The following UST variants were observed in gnomAD, a reference collection of about 807,000 sequenced individuals.
The protein encoded by UST is uronyl 2-sulfotransferase, also known as chondroitin sulfate 2-O-sulfotransferase.
Under a neutral mutation model 45.6 loss-of-function variants are expected in UST, and 21 were observed. The ratio of observed to expected loss-of-function variants is 0.46; its 90% confidence interval spans 0.33 to 0.66. The LOEUF is 0.66. UST is among the 30% of genes least tolerant of loss of function. UST has a pLI of 0.02. For missense variants in UST, 463 were observed against 512.4 expected (o/e 0.90, Z 0.93); for synonymous variants, 215 against 200.6 (o/e 1.07, Z -0.61).
At position 148,766,351 on chromosome 6, in the gene UST, C is replaced by T. The variant is rs148800572; in HGVS notation, c.247+18674C>T. ...CTCCTATCACTCTCACCCACTCACCCACTTGCTCTCACCCACTCACCCACT... is the reference window on the plus strand; with the variant it reads ...CTCCTATCACTCTCACCCACTCACCTACTTGCTCTCACCCACTCACCCACT... On this transcript the variant is annotated intron_variant, in intron 1 of 7. Coordinates refer to ENST00000367463, the MANE Select transcript of UST (RefSeq NM_005715.3). 3.3e-5 allele frequency among the ~76,000 whole-genome samples: 5 copies of T among 149,644 alleles called. No individual in the cohort carries two copies. In the East Asian group the frequency reaches 9.7e-4, roughly 29 times the overall value.
At chr6:148,960,236 C>T (rs1004836178) in intron 4 of UST, among the ~76,000 whole-genome samples, 3 of 152,176 alleles carry the variant, frequency 2.0e-5, no homozygotes, top group African/African-American at 7.2e-5. Flanking sequence ...TTGCAGTAAG[C>T]CGAGATCACG....
At chr6:148,887,262 G>T (rs2114844200) in intron 2 of UST, among the ~76,000 whole-genome samples, 1 of 152,382 alleles carries the variant, frequency 6.6e-6, no homozygotes, top group East Asian at 1.9e-4. Flanking sequence ...CCCAGGCATT[G>T]GAGCCTGAGA....
intron 3 of UST, among the ~76,000 whole-genome samples, chr6:148,952,555 A>G (rs148878865): frequency 2.0e-4 from 30 of 152,326 alleles, no homozygotes; most frequent in African/African-American, 7.0e-4. Flanking sequence ...GTTGGAGTTA[A>G]TTCATTGAAC....
chr6:148,873,034 G>A (rs556365855), intron 1 of UST, among the ~76,000 whole-genome samples: 3 of 152,172 alleles, frequency 2.0e-5, no homozygotes, highest in East Asian at 1.9e-4. Flanking sequence ...TCAGCTTATC[G>A]CAACCACCCT....
intron 1 of UST, among the ~76,000 whole-genome samples, chr6:148,865,664 TTGTGTGTGTGTGTGTG>T (rs56252604): frequency 1.3e-3 from 149 of 117,906 alleles, no homozygotes; most frequent in South Asian, 4.5e-3. Flanking sequence ...CTTGCTGAAA[TTGTGTGTGTGTGTGTG>T]TGTGTGTGTG....
At chr6:148,878,316 G>C (rs1423979813) in intron 1 of UST, among the ~76,000 whole-genome samples, 1 of 79,410 alleles carries the variant, frequency 1.3e-5, no homozygotes, top group Non-Finnish European at 2.5e-5. Flanking sequence ...TCATGTATGA[G>C]TGCGGGGATC....
At chr6:148,809,576 A>G (rs141407981) in intron 1 of UST, among the ~76,000 whole-genome samples, 154 of 152,328 alleles carry the variant, frequency 1.0e-3, no homozygotes, top group African/African-American at 3.5e-3. Context: ...CTTAGCAGAA[A>G]CAGAACTGGG....
At position 148,834,137 on chromosome 6, in the gene UST, A is replaced by C. The variant is rs577430197; in HGVS notation, c.248-52849A>C. On this transcript the variant is annotated intron_variant, in intron 1 of 7. Transcript: ENST00000367463. Reference sequence around the variant, plus strand: ...TTAAAGACTTCAAAAGAATAGCACTAATATACCCAGGAGAAAAAGTCACAT... The same window carrying C: ...TTAAAGACTTCAAAAGAATAGCACTCATATACCCAGGAGAAAAAGTCACAT... Among the ~76,000 whole-genome samples the C allele has an allele frequency of 2.6e-5, 4 of 152,336 alleles. No individual in the cohort carries two copies. In the South Asian group the frequency reaches 8.3e-4, roughly 32 times the overall value.
chr6:148,990,002 C>CA lies in UST; in HGVS notation c.681+25447dup, dbSNP rs1261740399. Among the ~76,000 whole-genome samples, 4 of 151,948 alleles carry CA rather than the reference C, an allele frequency of 2.6e-5. No individual in the cohort carries two copies. The South Asian group carries it at 8.3e-4, about 32-fold the overall frequency. The stretch of plus-strand genomic sequence containing the variant: ...TGTGGAGGAATCTCACATTTAAGTA[C>CA]AAAAAAAATTAAGCGTTTAGGGGAA... On this transcript the variant is annotated intron_variant, in intron 5 of 7. Transcript: ENST00000367463.
At chr6:148,893,146 A>G (rs1779051586) in intron 2 of UST, among the ~76,000 whole-genome samples, 1 of 152,212 alleles carries the variant, frequency 6.6e-6, no homozygotes, top group African/African-American at 2.4e-5. Context: ...ATCTACACTT[A>G]CATACAAAAG....
At chr6:148,944,796 C>A (rs1327618859) in intron 3 of UST, among the ~76,000 whole-genome samples, 1 of 152,180 alleles carries the variant, frequency 6.6e-6, no homozygotes, top group African/African-American at 2.4e-5. Flanking sequence ...GTGATGACAT[C>A]ATTGCATTTA....
At chr6:148,769,783 T>TGTGTGTGTGTG (rs1776387039) in intron 1 of UST, among the ~76,000 whole-genome samples, 1 of 149,156 alleles carries the variant, frequency 6.7e-6, no homozygotes. Context: ...TGTGTGTGTG[T>TGTGTGTGTGTG]TGTCTTCAAA....
intron 2 of UST, among the ~76,000 whole-genome samples, chr6:148,915,727 A>C (rs1779576543): frequency 1.3e-5 from 2 of 151,946 alleles, no homozygotes; most frequent in Admixed American, 1.3e-4. Context: ...TGGCTCAAAT[A>C]TGAAAAATAG....
intron 2 of UST, among the ~76,000 whole-genome samples, chr6:148,912,995 A>G (rs1180453141): frequency 6.6e-6 from 1 of 152,204 alleles, no homozygotes; most frequent in Non-Finnish European, 1.5e-5. Flanking sequence ...CATTTCTGAC[A>G]CGCTTCCAGG....
intron 7 of UST, 74 bp from the exon 8 acceptor site, chr6:149,073,759 A>C: frequency 6.5e-7 from 1 of 1,546,592 alleles, no homozygotes; most frequent in East Asian, 2.3e-5. Context: ...TGTACAGGTA[A>C]TGTGGGTCCT....
chr6:148,829,106 C>T (rs1012633046), intron 1 of UST, among the ~76,000 whole-genome samples: 8 of 151,754 alleles, frequency 5.3e-5, no homozygotes, highest in Admixed American at 1.3e-4. Context: ...CTGAGGGTAC[C>T]CAGGGACAAA....
In UST at chr6:148,756,335, C is replaced by A. The variant is rs1582790644; in HGVS notation, c.247+8658C>A. Among the ~76,000 whole-genome samples, 3 of 152,304 alleles carry A rather than the reference C, an allele frequency of 2.0e-5. No homozygotes were observed. In the South Asian group the frequency reaches 6.2e-4, roughly 32 times the overall value. ...GTAAGTTTCTTGAGGCATACCCAGCCATGTGGAACTGTGAGTCAATTAAAC... is the reference window on the plus strand; with the variant it reads ...GTAAGTTTCTTGAGGCATACCCAGCAATGTGGAACTGTGAGTCAATTAAAC... On this transcript the variant is annotated intron_variant, in intron 1 of 7. Transcript: ENST00000367463.
intron 1 of UST, among the ~76,000 whole-genome samples, chr6:148,825,353 C>T (rs1175716952): frequency 1.3e-5 from 2 of 152,180 alleles, no homozygotes; most frequent in Non-Finnish European, 2.9e-5. Context: ...GAACACAGGT[C>T]CTTTGTGCAT....
At chr6:148,829,484 C>T (rs924733753) in intron 1 of UST, among the ~76,000 whole-genome samples, 11 of 152,174 alleles carry the variant, frequency 7.2e-5, no homozygotes, top group African/African-American at 2.7e-4. Context: ...ATTCCAGACA[C>T]AAGAATTAAG....
Sources: allele counts gnomAD v4.1 joint callset (sites outside exome capture counted in the v4.1 genomes callset), GRCh38; gene constraint gnomAD v4.1.1; transcripts MANE v1.5; gene names NCBI Gene and HGNC (gene_info 2026-07-23, HGNC 2026-07-21).